C1orf87: variants seen among roughly 807,000 people sequenced by gnomAD.
C1orf87 encodes the protein chromosome 1 open reading frame 87.
Under a neutral mutation model 60.5 loss-of-function variants are expected in C1orf87, and 58 were observed. That is an observed-to-expected ratio of 0.96 (90% CI 0.78 to 1.19). The LOEUF is 1.19. Among genes scored for constraint, C1orf87 ranks in the 50% most tolerant of loss-of-function variants. The pLI is 0.00. For synonymous variants in C1orf87, 236 were observed against 227.4 expected (o/e 1.04, Z -0.34); for missense variants, 673 against 638.6 (o/e 1.05, Z -0.58).
At chr1:60,000,495 T>C (rs1644994315) in intron 10 of C1orf87, among the ~76,000 whole-genome samples, 1 of 152,078 alleles carries the variant, frequency 6.6e-6, no homozygotes, top group African/African-American at 2.4e-5. Flanking sequence ...TGAATTATGT[T>C]CTAATCCGGG....
chr1:59,991,363 C>T (rs1644922554), intron 11 of C1orf87, among the ~76,000 whole-genome samples: 1 of 152,218 alleles, frequency 6.6e-6, no homozygotes, highest in Non-Finnish European at 1.5e-5. Context: ...CATGGATGCT[C>T]AAGCCCCGAT....
intron 3 of C1orf87, among the ~76,000 whole-genome samples, chr1:60,041,371 T>C (rs1645323910): frequency 1.3e-5 from 2 of 152,202 alleles, no homozygotes; most frequent in Non-Finnish European, 2.9e-5. Flanking sequence ...CACTTAGGTA[T>C]GTCTCATTTG....
chr1:60,027,831 A>C (rs1255643946), intron 7 of C1orf87, among the ~76,000 whole-genome samples: 1 of 152,168 alleles, frequency 6.6e-6, no homozygotes, highest in African/African-American at 2.4e-5. Flanking sequence ...ATGGGGGAGA[A>C]AGAGCACGGT....
intron 8 of C1orf87, among the ~76,000 whole-genome samples, chr1:60,012,739 T>C (rs915807653): frequency 1.7e-4 from 26 of 152,100 alleles, no homozygotes; most frequent in African/African-American, 6.0e-4. Context: ...TGGCATGGAG[T>C]GAACATTCTG....
intron 2 of C1orf87, among the ~76,000 whole-genome samples, chr1:60,058,735 G>A (rs1279928575): frequency 6.6e-6 from 1 of 152,134 alleles, no homozygotes; most frequent in Admixed American, 6.5e-5. Context: ...ATTTAAACCT[G>A]TCTACTTCAT....
chr1:60,002,556 CG>C (rs1557456626), intron 9 of C1orf87, among the ~76,000 whole-genome samples: 1 of 151,858 alleles, frequency 6.6e-6, no homozygotes, highest in African/African-American at 2.4e-5. Flanking sequence ...GAGTAGGTTG[CG>C]AAAATTTTCT....
rs200022558 is a variant in C1orf87, at chr1:60,001,112, C to T, written c.1237G>A (p.Val413Ile). ...GTTTTGCTTTGAGACATCTCGGGGA[C>T]TTCAGGCTCCATTGGAGGGGCAGGG... ...KAPAPPMEPEVPEMSQSKTEH... is the reference protein window; with the variant it reads ...KAPAPPMEPEIPEMSQSKTEH... The change falls in exon 10 of 12, where the codon GTC becomes ATC. Residue 413 changes from valine (V) to isoleucine (I), a missense_variant. By Grantham distance (29) the Val-to-Ile change is conservative. Transcript: ENST00000371201. 1.2e-6 allele frequency: 2 copies of T among 1,605,828 alleles called. No homozygotes were observed. Among genetic ancestry groups the T allele is most frequent in the South Asian group, 2.2e-5 (2 of 90,416 alleles).
chr1:60,030,961 T>C (rs1645233850), intron 7 of C1orf87, among the ~76,000 whole-genome samples: 1 of 152,218 alleles, frequency 6.6e-6, no homozygotes. Flanking sequence ...TTATCTATCT[T>C]GGAAGTTATA....
chr1:60,027,477 C>T (rs1174696112), intron 7 of C1orf87, among the ~76,000 whole-genome samples: 16 of 152,242 alleles, frequency 1.1e-4, no homozygotes, highest in Admixed American at 9.2e-4. Flanking sequence ...CCTGGCCCCG[C>T]ATGGTGTGGC....
intron 7 of C1orf87, among the ~76,000 whole-genome samples, chr1:60,030,433 C>T (rs1645229858): frequency 6.6e-6 from 1 of 152,164 alleles, no homozygotes; most frequent in African/African-American, 2.4e-5. Context: ...AGAGTCTTGC[C>T]ACAAGAATGA....
At chr1:60,037,876 G>T (rs1464314561) in intron 6 of C1orf87, 116 bp downstream of exon 6, 1 of 569,346 alleles carries the variant, frequency 1.8e-6, no homozygotes, top group Non-Finnish European at 3.0e-6. Context: ...CTTCAGCACT[G>T]TGATTCATAC....
At chr1:60,014,403 T>C (rs1321541905) in intron 8 of C1orf87, among the ~76,000 whole-genome samples, 1 of 152,192 alleles carries the variant, frequency 6.6e-6, no homozygotes, top group Non-Finnish European at 1.5e-5. Flanking sequence ...AAGATTTCTT[T>C]TGTACATTCT....
chr1:59,991,697 C>T (rs539183652), intron 11 of C1orf87, among the ~76,000 whole-genome samples: 4 of 152,218 alleles, frequency 2.6e-5, no homozygotes, highest in South Asian at 2.1e-4. Context: ...TTTGAATCTG[C>T]GTAATAGAGG....
chr1:60,031,031 T>A (rs1040428717), intron 7 of C1orf87, among the ~76,000 whole-genome samples: 63 of 152,278 alleles, frequency 4.1e-4, no homozygotes, highest in Admixed American at 1.1e-3. Flanking sequence ...ATTTTTTTTT[T>A]AATCTTTCTG....
chr1:60,061,794 A>AAG, intron 2 of C1orf87, among the ~76,000 whole-genome samples: 1 of 150,670 alleles, frequency 6.6e-6, no homozygotes, highest in Non-Finnish European at 1.5e-5. Flanking sequence ...AAAAAAAAAA[A>AAG]AAAAAAAATA....
chr1:59,992,387 C>T (rs1447679883), intron 11 of C1orf87, among the ~76,000 whole-genome samples: 1 of 151,910 alleles, frequency 6.6e-6, no homozygotes, highest in Admixed American at 6.6e-5. Flanking sequence ...ACATGAGTAG[C>T]TGGGATTGCA....
intron 7 of C1orf87, among the ~76,000 whole-genome samples, chr1:60,030,840 C>T (rs546548352): frequency 7.2e-5 from 11 of 152,240 alleles, no homozygotes; most frequent in East Asian, 1.9e-4. Context: ...TGAGTGAGTC[C>T]GCAGAATGAA....
intron 7 of C1orf87, among the ~76,000 whole-genome samples, chr1:60,026,744 AC>A (rs1645200746): frequency 6.6e-6 from 1 of 152,222 alleles, no homozygotes; most frequent in South Asian, 2.1e-4. Flanking sequence ...TTTAGTCCAA[AC>A]ATAACTACAG....
At chr1:60,022,376 G>T (rs1432474079) in intron 8 of C1orf87, among the ~76,000 whole-genome samples, 1 of 151,994 alleles carries the variant, frequency 6.6e-6, no homozygotes, top group African/African-American at 2.4e-5. Context: ...GAGTTGATTT[G>T]CTAATTAAAT....
Sources: allele counts gnomAD v4.1 joint callset (sites outside exome capture counted in the v4.1 genomes callset), GRCh38; gene constraint gnomAD v4.1.1; transcripts MANE v1.5; gene names NCBI Gene and HGNC (gene_info 2026-07-23, HGNC 2026-07-21).